Variants in RASA3 observed in about 807,000 individuals in gnomAD.
RASA3 encodes the protein RAS p21 protein activator 3.
RASA3 carries 73 observed loss-of-function variants against 110.0 expected under a neutral mutation model. The observed-to-expected ratio is 0.66, with a 90% CI of 0.55 to 0.81. RASA3 has a LOEUF of 0.81. Ranked by LOEUF, RASA3 falls within the 30% of genes least tolerant of loss-of-function variation. The pLI is 0.00. For missense variants in RASA3, 976 were observed against 1,113.2 expected (o/e 0.88, Z 1.75); for synonymous variants, 500 against 451.4 (o/e 1.11, Z -1.37).
intron 7 of RASA3, among the ~76,000 whole-genome samples, chr13:114,026,822 C>G (rs540270069): frequency 6.6e-6 from 1 of 152,356 alleles, no homozygotes; most frequent in Non-Finnish European, 1.5e-5. Flanking sequence ...CAGGTCCTCA[C>G]TCCACGAGAT....
At chr13:114,067,714 C>A (rs574983355) in intron 2 of RASA3, among the ~76,000 whole-genome samples, 1 of 152,184 alleles carries the variant, frequency 6.6e-6, no homozygotes, top group Non-Finnish European at 1.5e-5. Flanking sequence ...ACACCCACTG[C>A]GTGCACACAG....
intron 1 of RASA3, chr13:114,108,825 G>C (rs1446660940): frequency 6.6e-6 from 1 of 152,236 alleles, no homozygotes. Flanking sequence ...TGGCTCCTCT[G>C]AATCAGTCAC....
rs550045334 is a variant in RASA3, at chr13:114,004,103, T to G, written c.1743-3171A>C. Among the ~76,000 whole-genome samples, 381 of 152,344 alleles carry G rather than the reference T, an allele frequency of 2.5e-3. 2 individuals are homozygous for G. The highest frequency in any genetic ancestry group is 4.4e-3 in the Non-Finnish European group (299 of 68,028). Reference sequence around the variant, plus strand: ...ATATGATTAAGTTAAATGAAGGTGATTTTAAGAAAAATAGCAATGTAAGTA... The same window carrying G: ...ATATGATTAAGTTAAATGAAGGTGAGTTTAAGAAAAATAGCAATGTAAGTA... On this transcript the variant is annotated intron_variant, in intron 18 of 23. Transcript: ENST00000334062.
intron 14 of RASA3, among the ~76,000 whole-genome samples, chr13:114,013,845 CAT>C (rs1363723734): frequency 4.0e-5 from 4 of 100,108 alleles, no homozygotes; most frequent in African/African-American, 3.5e-5. Flanking sequence ...TCTCTCTCTC[CAT>C]CTCTCTGTCT....
At chr13:114,100,601 T>C (rs1015740430) in intron 1 of RASA3, among the ~76,000 whole-genome samples, 2 of 151,998 alleles carry the variant, frequency 1.3e-5, no homozygotes, top group African/African-American at 4.8e-5. Context: ...GCCCTAGCAG[T>C]TGGGAAGAAG....
intron 10 of RASA3, 113 bp from the exon 11 acceptor site, chr13:114,018,365 G>A (rs544199326): frequency 9.0e-6 from 12 of 1,331,694 alleles, no homozygotes; most frequent in Middle Eastern, 2.7e-4. Flanking sequence ...GCTCTTTGCT[G>A]AGACAGAAAC....
At chr13:114,020,963 G>A (rs76403932) in intron 9 of RASA3, among the ~76,000 whole-genome samples, 1 of 147,704 alleles carries the variant, frequency 6.8e-6, no homozygotes, top group Non-Finnish European at 1.5e-5. Context: ...AGCTGCTCGC[G>A]GCTCAGGGCC....
At chr13:114,079,595 C>T (rs773841692) in intron 1 of RASA3, among the ~76,000 whole-genome samples, 1 of 152,222 alleles carries the variant, frequency 6.6e-6, no homozygotes, top group South Asian at 2.1e-4. Flanking sequence ...TATTTAGAAG[C>T]CTGGAACAGC....
At chr13:114,064,838 C>T (rs902007622) in intron 2 of RASA3, among the ~76,000 whole-genome samples, 5 of 152,246 alleles carry the variant, frequency 3.3e-5, no homozygotes, top group Non-Finnish European at 7.3e-5. Flanking sequence ...CCCCACTCAC[C>T]GCCCGAGGGC....
At chr13:114,030,538 G>GACAAGACTCACACAGAGA (rs1566502122) in intron 4 of RASA3, among the ~76,000 whole-genome samples, 2 of 121,722 alleles carry the variant, frequency 1.6e-5, no homozygotes, top group African/African-American at 6.0e-5. Flanking sequence ...TCACACAGAG[G>GACAAGACTCACACAGAGA]GCAAGACTCA....
At chr13:114,049,074 A>G (rs2079101856) in intron 3 of RASA3, among the ~76,000 whole-genome samples, 1 of 137,284 alleles carries the variant, frequency 7.3e-6, no homozygotes, top group Non-Finnish European at 1.5e-5. Flanking sequence ...GGCACCTGCC[A>G]GTGCACCTCT....
chr13:114,074,018 G>C (rs899949766), intron 1 of RASA3, among the ~76,000 whole-genome samples, 181 bp from the exon 2 acceptor site: 1 of 152,252 alleles, frequency 6.6e-6, no homozygotes, highest in Non-Finnish European at 1.5e-5. Flanking sequence ...CGAAAGGCGA[G>C]GGACATGCAC....
At chr13:114,126,888 C>T (rs776561310) in intron 1 of RASA3, among the ~76,000 whole-genome samples, 2 of 152,206 alleles carry the variant, frequency 1.3e-5, no homozygotes, top group Admixed American at 6.5e-5. Context: ...GTGGCCAGCA[C>T]GCAGTCTCGG....
chr13:114,054,830 AAC>A (rs1354035036), intron 2 of RASA3, among the ~76,000 whole-genome samples: 1 of 152,264 alleles, frequency 6.6e-6, no homozygotes, highest in African/African-American at 2.4e-5. Context: ...GTTTCCTTTA[AAC>A]ACATTCTCGC....
At chr13:114,081,006 C>A (rs993120822) in intron 1 of RASA3, among the ~76,000 whole-genome samples, 2 of 145,944 alleles carry the variant, frequency 1.4e-5, no homozygotes, top group African/African-American at 5.4e-5. Context: ...GGCCGTCCAC[C>A]TAGAACACCA....
chr13:114,033,922 G>A (rs2054230514), intron 4 of RASA3, among the ~76,000 whole-genome samples: 1 of 152,254 alleles, frequency 6.6e-6, no homozygotes, highest in African/African-American at 2.4e-5. Context: ...GAAAACAGGT[G>A]CCTAAAATGA....
chr13:114,043,451 C>G (rs1360166937), intron 3 of RASA3, among the ~76,000 whole-genome samples: 2 of 152,158 alleles, frequency 1.3e-5, no homozygotes, highest in Non-Finnish European at 2.9e-5. Context: ...AAGCCCCTTC[C>G]CAGCTCCGGG....
intron 1 of RASA3, among the ~76,000 whole-genome samples, chr13:114,122,272 G>A (rs7491047): frequency 2.5e-4 from 38 of 152,342 alleles, no homozygotes; most frequent in African/African-American, 9.1e-4. Flanking sequence ...GAATTCCCCA[G>A]AAAAGCCCTC....
At chr13:114,107,747 G>A (rs1270405880) in intron 1 of RASA3, 1 of 152,344 alleles carries the variant, frequency 6.6e-6, no homozygotes. Flanking sequence ...GGAAGCAGAA[G>A]CCGCTGTCCT....
Sources: gnomAD v4.1 joint callset for allele counts (sites outside exome capture counted in the v4.1 genomes callset) on GRCh38, gnomAD v4.1.1 for gene constraint, MANE v1.5 for transcripts, NCBI Gene and HGNC (gene_info 2026-07-23, HGNC 2026-07-21) for gene names.